OR51B5: variants seen among roughly 807,000 people sequenced by gnomAD.
The protein encoded by OR51B5 is olfactory receptor family 51 subfamily B member 5.
For missense variants in OR51B5, 456 were observed against 374.6 expected, an observed-to-expected ratio of 1.22 and a Z score of -1.79; for synonymous variants, 186 against 144.8, an observed-to-expected ratio of 1.28 and a Z score of -2.04.
At chr11:5,353,082 T>G (rs1352043545) in intron 1 of OR51B5, among the ~76,000 whole-genome samples, 1 of 151,876 alleles carries the variant, frequency 6.6e-6, no homozygotes, top group Non-Finnish European at 1.5e-5. Flanking sequence ...AGCTGGCTGC[T>G]GTTTCTAGAA....
chr11:5,355,277 G>C, intron 1 of OR51B5: 1 of 167,058 alleles, frequency 6.0e-6, no homozygotes, highest in Non-Finnish European at 1.3e-5. Context: ...TAGTCAAGAC[G>C]AATTGGATTT....
chr11:5,358,039 G>A (rs1372092015), intron 1 of OR51B5, among the ~76,000 whole-genome samples: 1 of 151,688 alleles, frequency 6.6e-6, no homozygotes, highest in African/African-American at 2.4e-5. Flanking sequence ...AGAGAAAGCA[G>A]GAAAGATCTA....
At chr11:5,390,143 G>T (rs753253867) in intron 1 of OR51B5, 2 of 1,613,694 alleles carry the variant, frequency 1.2e-6, no homozygotes, top group Non-Finnish European at 1.7e-6. Context: ...GCAGCGCCGT[G>T]CCTTTCAGAC....
chr11:5,477,617 G>C (rs944148636), intron 1 of OR51B5, among the ~76,000 whole-genome samples: 2 of 152,182 alleles, frequency 1.3e-5, no homozygotes, highest in African/African-American at 2.4e-5. Flanking sequence ...CATATCACTA[G>C]GGAGTGCCAG....
upstream of OR51B5, chr11:5,346,476 A>G (rs1848992143): frequency 7.3e-6 from 1 of 137,576 alleles, no homozygotes; most frequent in Non-Finnish European, 1.7e-5. Context: ...CTAGAAAATC[A>G]GATAAACTTC....
Position 5,351,594 on chromosome 11 carries a change from A to C in OR51B5, n.85-4684T>G, listed in dbSNP as rs371384887. The C allele has an allele frequency of 4.6e-5, 75 of 1,614,060 alleles. No homozygotes were observed. In the African/African-American group the frequency reaches 7.3e-4, roughly 16 times the overall value. On this transcript the variant is annotated intron_variant and non_coding_transcript_variant, in intron 1 of 4. Coordinates refer to the OR51B5 transcript ENST00000415970. Reference sequence around the variant, plus strand: ...CACATCACTGGATATTCATCCCATTATTGGCAGCCTACATCTCCATACTTC... The same window carrying C: ...CACATCACTGGATATTCATCCCATTCTTGGCAGCCTACATCTCCATACTTC...
chr11:5,383,777 C>T (rs1341401135), intron 1 of OR51B5: 1 of 152,164 alleles, frequency 6.6e-6, no homozygotes, highest in Admixed American at 6.6e-5. Context: ...CAGCTGGAGC[C>T]ATGGTCTTTA....
intron 1 of OR51B5, among the ~76,000 whole-genome samples, chr11:5,478,257 A>G (rs1418629772): frequency 6.6e-6 from 1 of 151,900 alleles, no homozygotes; most frequent in African/African-American, 2.4e-5. Context: ...GCATACTGAC[A>G]CCTCACACGG....
chr11:5,502,295 A>T lies in OR51B5; in HGVS notation n.84+3274T>A, dbSNP rs578162956. On this transcript the variant is annotated intron_variant and non_coding_transcript_variant, in intron 1 of 4. Transcript: ENST00000415970. ...CACCTGTCTTTCCCACATCACCTTG[A>T]AGCACTCTCCCTCTCATTCTCTGTA... Among the ~76,000 whole-genome samples the T allele has an allele frequency of 9.9e-5, 15 of 152,194 alleles. No homozygotes were observed. The East Asian group carries it at 2.1e-3, about 22-fold the overall frequency.
chr11:5,380,162 T>A (rs1849588592), intron 1 of OR51B5, among the ~76,000 whole-genome samples: 1 of 152,166 alleles, frequency 6.6e-6, no homozygotes, highest in South Asian at 2.1e-4. Flanking sequence ...CCTTTCATAA[T>A]GACTGAAGAG....
chr11:5,365,647 C>A (rs574821805), intron 1 of OR51B5, among the ~76,000 whole-genome samples: 18 of 152,262 alleles, frequency 1.2e-4, no homozygotes, highest in Admixed American at 3.3e-4. Context: ...TCTTAACACA[C>A]CTCCAAATGT....
chr11:5,385,061 G>A (rs1407139313), intron 1 of OR51B5, among the ~76,000 whole-genome samples: 1 of 152,174 alleles, frequency 6.6e-6, no homozygotes, highest in Non-Finnish European at 1.5e-5. Context: ...ACACAGGTGA[G>A]GTAGAGAGCC....
chr11:5,417,666 TG>T (rs1850264019), intron 1 of OR51B5, among the ~76,000 whole-genome samples: 1 of 151,098 alleles, frequency 6.6e-6, no homozygotes, highest in Non-Finnish European at 1.5e-5. Context: ...AAAAAACACA[TG>T]AAAAAATGTT....
chr11:5,401,709 C>G (rs1391511937), intron 1 of OR51B5, among the ~76,000 whole-genome samples: 2 of 152,064 alleles, frequency 1.3e-5, no homozygotes, highest in Non-Finnish European at 2.9e-5. Context: ...CTCTGTCTCC[C>G]CAGCAGCTTT....
chr11:5,454,367 C>A lies in OR51B5; in HGVS notation n.84+51202G>T, dbSNP rs11037503. On this transcript the variant is annotated intron_variant and non_coding_transcript_variant, in intron 1 of 4. Coordinates refer to the OR51B5 transcript ENST00000415970. ...CTGTGCTCAACCCTCTCATTTATAG[C>A]GCCAAGACAAAGGAAATCCGCCGAG... The A allele has an allele frequency of 2.5e-6, 4 of 1,613,310 alleles. No homozygotes were observed. In the African/African-American group the frequency reaches 4.0e-5, roughly 16 times the overall value.
intron 1 of OR51B5, chr11:5,469,102 GTGGA>G (rs1450287725): frequency 1.3e-5 from 3 of 234,280 alleles, no homozygotes; most frequent in Non-Finnish European, 2.6e-5. Flanking sequence ...AGGAGGAAAA[GTGGA>G]TGAAGAACGT....
chr11:5,384,174 TC>T (rs577164525), intron 1 of OR51B5, among the ~76,000 whole-genome samples: 3 of 152,186 alleles, frequency 2.0e-5, no homozygotes, highest in Non-Finnish European at 2.9e-5. Context: ...TGTTGTTGTT[TC>T]TTTGTTTGTT....
At chr11:5,422,966 C>G in intron 1 of OR51B5, 2 of 1,614,086 alleles carry the variant, frequency 1.2e-6, no homozygotes, top group Non-Finnish European at 1.7e-6. Flanking sequence ...CCTCTACATT[C>G]CCATGGTTGG....
intron 1 of OR51B5, among the ~76,000 whole-genome samples, chr11:5,425,307 G>C (rs1850431359): frequency 6.6e-6 from 1 of 152,144 alleles, no homozygotes; most frequent in African/African-American, 2.4e-5. Context: ...GGATTATGTT[G>C]GTTTTTCAAA....
Sources: gnomAD v4.1 joint callset for allele counts (sites outside exome capture counted in the v4.1 genomes callset) on GRCh38, gnomAD v4.1.1 for gene constraint, MANE v1.5 for transcripts, NCBI Gene and HGNC (gene_info 2026-07-23, HGNC 2026-07-21) for gene names.